ARID1B: variants seen among roughly 807,000 people sequenced by gnomAD.
ARID1B encodes the protein AT-rich interaction domain 1B.
A neutral mutation model predicts 212.3 loss-of-function variants in ARID1B; 30 were observed. That is an observed-to-expected ratio of 0.14 (90% CI 0.11 to 0.19). The LOEUF is 0.19. Among genes scored for constraint, ARID1B ranks in the 10% least tolerant of loss-of-function variants. ARID1B has a pLI of 1.00. For missense variants in ARID1B, 2,891 were observed against 3,204.0 expected (o/e 0.90, Z 2.36); for synonymous variants, 1,402 against 1,301.7 (o/e 1.08, Z -1.66).
intron 3 of ARID1B, among the ~76,000 whole-genome samples, chr6:156,921,682 A>G (rs1562486100): frequency 6.6e-6 from 1 of 152,222 alleles, no homozygotes; most frequent in Non-Finnish European, 1.5e-5. Flanking sequence ...TTAGTAGATC[A>G]AATGATCCAT....
chr6:156,957,229 A>T (rs1794036441), intron 4 of ARID1B, among the ~76,000 whole-genome samples: 1 of 152,182 alleles, frequency 6.6e-6, no homozygotes, highest in African/African-American at 2.4e-5. Flanking sequence ...TTTACAAGTG[A>T]CAGAGCCACT....
chr6:156,816,110 C>T (rs1431474625), intron 1 of ARID1B, among the ~76,000 whole-genome samples: 1 of 152,030 alleles, frequency 6.6e-6, no homozygotes, highest in Non-Finnish European at 1.5e-5. Context: ...TTTTAGAATA[C>T]TAGAAATAGT....
intron 1 of ARID1B, among the ~76,000 whole-genome samples, chr6:156,794,495 A>G (rs1284166463): frequency 6.8e-6 from 1 of 147,904 alleles, no homozygotes; most frequent in Non-Finnish European, 1.5e-5. Flanking sequence ...GGCTCAAGCA[A>G]TCCTCCTGCC....
intron 4 of ARID1B, among the ~76,000 whole-genome samples, chr6:157,041,192 A>G (rs1023869438): frequency 3.9e-5 from 6 of 152,226 alleles, no homozygotes; most frequent in Non-Finnish European, 7.3e-5. Flanking sequence ...GCAGCCACCA[A>G]CATGGGTTGG....
At chr6:156,951,815 A>AATAT (rs1583017786) in intron 4 of ARID1B, among the ~76,000 whole-genome samples, 1 of 152,178 alleles carries the variant, frequency 6.6e-6, no homozygotes, top group Admixed American at 6.5e-5. Flanking sequence ...TTTATAAAGG[A>AATAT]ATATATACTC....
chr6:157,167,054 C>T lies in ARID1B; in HGVS notation c.3104C>T (p.Pro1035Leu), dbSNP rs1490444631. ...TCTTCCTGTAGGCAAGGCAGTTTCC[C>T]CGGCATGAACCAGAGTGGACTTATG... ...NSAQSRQGSF[P>L]GMNQSGLMAS... Residue 1035 changes from proline to leucine, a missense_variant, in exon 9 of 20, where the codon CCC (proline) becomes CTC (leucine). This residue lies in a region of ARID1B where 1,643 missense variants were observed against 1,544.0 expected (regional missense o/e 1.06). Coordinates refer to ENST00000636930, the MANE Select transcript of ARID1B (RefSeq NM_001374828.1). 1.9e-6 allele frequency: 3 copies of T among 1,611,744 alleles called. No homozygotes were observed. Among genetic ancestry groups the T allele is most frequent in the South Asian group, 2.2e-5 (2 of 91,086 alleles).
intron 2 of ARID1B, among the ~76,000 whole-genome samples, chr6:156,839,294 G>A (rs1446787739): frequency 2.0e-5 from 3 of 152,194 alleles, no homozygotes; most frequent in African/African-American, 7.2e-5. Flanking sequence ...TTCACAACGT[G>A]GTGGAAGGCA....
intron 4 of ARID1B, among the ~76,000 whole-genome samples, chr6:157,064,281 G>A (rs1428047566): frequency 6.6e-6 from 1 of 152,158 alleles, no homozygotes; most frequent in Non-Finnish European, 1.5e-5. Context: ...AGTTGGCCTT[G>A]CTCTTTAAGG....
At chr6:157,119,916 A>G (rs9478751) in intron 6 of ARID1B, among the ~76,000 whole-genome samples, 44,878 of 152,120 alleles carry the variant, frequency 0.3, 9,355 homozygotes, top group African/African-American at 0.59. Context: ...GGGTTTAGGT[A>G]CAAGCTTTAT....
At chr6:156,823,688 G>GT (rs56983474) in intron 1 of ARID1B, among the ~76,000 whole-genome samples, 50,470 of 117,714 alleles carry the variant, frequency 0.43, 10,083 homozygotes, top group East Asian at 0.47. Context: ...TTTCTTTGTT[G>GT]TTTTTTTTTT....
intron 4 of ARID1B, among the ~76,000 whole-genome samples, chr6:157,040,517 C>T (rs77467839): frequency 0.019 from 2,848 of 152,234 alleles, 81 homozygotes; most frequent in African/African-American, 0.063. Flanking sequence ...TACTTGTATG[C>T]TTTGCCTTCT....
intron 2 of ARID1B, among the ~76,000 whole-genome samples, chr6:156,850,932 C>T (rs1784542284): frequency 6.6e-6 from 1 of 152,188 alleles, no homozygotes; most frequent in African/African-American, 2.4e-5. Context: ...ATCATCTTTC[C>T]ACTCACAGAT....
intron 3 of ARID1B, among the ~76,000 whole-genome samples, chr6:156,905,250 G>GCACACACACA (rs138326649): frequency 0.034 from 4,878 of 143,740 alleles, 124 homozygotes; most frequent in African/African-American, 0.055. Context: ...ACATATGCAC[G>GCACACACACA]CACACACACA....
In ARID1B at chr6:157,148,911, G is replaced by T; in HGVS notation, c.3049G>T (p.Ala1017Ser). 2 of 1,612,714 alleles carry T rather than the reference G, an allele frequency of 1.2e-6. No individual in the cohort carries two copies. The highest frequency in any genetic ancestry group is 1.3e-5 in the African/African-American group (1 of 75,076). ...TVNRKAQEAA[A>S]AVMQAAANSA... Reference sequence around the variant, plus strand: ...GAACCGTAAGGCACAGGAGGCAGCCGCAGCAGTGATGCAGGCTGCTGCGAA... The same window carrying T: ...GAACCGTAAGGCACAGGAGGCAGCCTCAGCAGTGATGCAGGCTGCTGCGAA... Residue 1017 changes from alanine (A) to serine (S), a missense_variant, in exon 8 of 20, where the codon GCA (alanine) becomes TCA (serine). Around this residue, in one of 7 missense-constraint regions of ARID1B, gnomAD observed 1,643 missense variants for 1,544.0 expected, o/e 1.06. Transcript: ENST00000636930. The surrounding 1 kb of genome is among the most constrained non-coding windows in gnomAD (Gnocchi z 5.6).
chr6:157,205,197 C>A (rs1794359213), intron 19 of ARID1B: 1 of 152,238 alleles, frequency 6.6e-6, no homozygotes, highest in South Asian at 2.1e-4. Flanking sequence ...AAAAGCAGTT[C>A]TTTCTAGTTG....
chr6:157,161,738 G>A (rs1790958754), intron 8 of ARID1B, among the ~76,000 whole-genome samples: 1 of 152,192 alleles, frequency 6.6e-6, no homozygotes. Flanking sequence ...GCATTTCAAG[G>A]TTTTGAGTAC....
At chr6:156,983,397 AAAAC>A (rs933526128) in intron 4 of ARID1B, among the ~76,000 whole-genome samples, 10 of 152,338 alleles carry the variant, frequency 6.6e-5, no homozygotes, top group East Asian at 1.9e-4. Context: ...TCAGTCTCAA[AAAAC>A]AAACAAACAA....
chr6:157,008,873 T>C (rs1405332208), intron 4 of ARID1B, among the ~76,000 whole-genome samples: 1 of 152,086 alleles, frequency 6.6e-6, no homozygotes, highest in East Asian at 1.9e-4. Flanking sequence ...CAGGTTTCAG[T>C]TTGACGCTAG....
At chr6:156,800,964 A>G (rs1472438337) in intron 1 of ARID1B, among the ~76,000 whole-genome samples, 3 of 152,230 alleles carry the variant, frequency 2.0e-5, no homozygotes. Context: ...GTATGTGCTC[A>G]GCAGCACAAT....
Sources: gnomAD v4.1 joint callset for allele counts (sites outside exome capture counted in the v4.1 genomes callset) on GRCh38, gnomAD v4.1.1 for gene constraint, gnomAD v4.1.1 regional missense constraint, Gnocchi (gnomAD v3.1) non-coding constraint, MANE v1.5 for transcripts, NCBI Gene and HGNC (gene_info 2026-07-23, HGNC 2026-07-21) for gene names.